Variants in KIF6 observed in about 807,000 individuals in gnomAD.
The protein encoded by KIF6 is kinesin family member 6.
Under a neutral mutation model 112.7 loss-of-function variants are expected in KIF6, and 106 were observed. That is an observed-to-expected ratio of 0.94 (90% confidence interval 0.80 to 1.11). KIF6 has a LOEUF of 1.11. Among genes scored for constraint, KIF6 ranks in the 50% least tolerant of loss-of-function variants. KIF6 has a pLI of 0.00. For synonymous variants in KIF6, 339 were observed against 339.9 expected (o/e 1.00, Z 0.03); for missense variants, 929 against 964.0 (o/e 0.96, Z 0.48).
chr6:39,596,877 T>C (rs759051972), intron 6 of KIF6, among the ~76,000 whole-genome samples: 2 of 152,186 alleles, frequency 1.3e-5, no homozygotes, highest in Admixed American at 6.5e-5. Context: ...AAGTTTAGCA[T>C]GGTTGCTGGA....
intron 9 of KIF6, among the ~76,000 whole-genome samples, chr6:39,581,831 G>A (rs1781317460): frequency 6.6e-6 from 1 of 151,972 alleles, no homozygotes; most frequent in Admixed American, 6.6e-5. Context: ...TAGTTTTTGG[G>A]CCCTGGAGAA....
chr6:39,609,668 CA>C (rs1783103540), intron 6 of KIF6, among the ~76,000 whole-genome samples: 1 of 152,124 alleles, frequency 6.6e-6, no homozygotes, highest in Admixed American at 6.5e-5. Flanking sequence ...CAAATTAAAA[CA>C]AGATTTCTTT....
At chr6:39,490,358 G>A (rs1162115094) in intron 13 of KIF6, among the ~76,000 whole-genome samples, 3 of 152,224 alleles carry the variant, frequency 2.0e-5, no homozygotes, top group African/African-American at 7.2e-5. Context: ...AGGTAAAAGT[G>A]TGAGTTATCA....
chr6:39,588,978 A>G (rs1781786501), intron 7 of KIF6, among the ~76,000 whole-genome samples: 1 of 152,156 alleles, frequency 6.6e-6, no homozygotes, highest in Non-Finnish European at 1.5e-5. Context: ...CACACAATCT[A>G]AGTTATGCCA....
chr6:39,460,089 G>A (rs1276024491), intron 13 of KIF6, among the ~76,000 whole-genome samples: 1 of 149,868 alleles, frequency 6.7e-6, no homozygotes, highest in East Asian at 2.0e-4. Context: ...GTTTATTGTG[G>A]CATTATGCAC....
intron 13 of KIF6, among the ~76,000 whole-genome samples, chr6:39,457,572 G>A (rs1773210594): frequency 6.6e-6 from 1 of 151,750 alleles, no homozygotes; most frequent in Non-Finnish European, 1.5e-5. Flanking sequence ...AAAAATCAAT[G>A]AATCCAGGAG....
intron 15 of KIF6, among the ~76,000 whole-genome samples, chr6:39,401,134 G>C (rs1161397646): frequency 6.6e-6 from 1 of 152,238 alleles, no homozygotes; most frequent in African/African-American, 2.4e-5. Flanking sequence ...GCAAATAGGT[G>C]CCCCTAATTC....
chr6:39,453,990 C>A (rs1772869732), intron 13 of KIF6, among the ~76,000 whole-genome samples: 1 of 151,914 alleles, frequency 6.6e-6, no homozygotes. Context: ...AATAGAAAAG[C>A]AGTGTTAAAT....
intron 13 of KIF6, among the ~76,000 whole-genome samples, chr6:39,506,565 G>T (rs898964290): frequency 2.6e-5 from 4 of 152,140 alleles, no homozygotes; most frequent in Admixed American, 2.0e-4. Context: ...TCTGCCCCTG[G>T]TTCCTGACAC....
chr6:39,476,675 T>C (rs1390562478), intron 13 of KIF6, among the ~76,000 whole-genome samples: 3 of 152,176 alleles, frequency 2.0e-5, no homozygotes, highest in Non-Finnish European at 4.4e-5. Context: ...ACTCTTTAAA[T>C]AAACAAGAAC....
At chr6:39,365,961 G>A (rs1765528697) in intron 16 of KIF6, among the ~76,000 whole-genome samples, 1 of 152,176 alleles carries the variant, frequency 6.6e-6, no homozygotes, top group Admixed American at 6.5e-5. Context: ...TAAAGGCTGC[G>A]GTCACCCCAT....
chr6:39,462,595 G>A (rs747690862), intron 13 of KIF6, among the ~76,000 whole-genome samples: 44 of 152,152 alleles, frequency 2.9e-4, no homozygotes, highest in Non-Finnish European at 3.1e-4. Flanking sequence ...CCAGCCTGAG[G>A]AGGGTAGAGG....
At chr6:39,500,579 A>G (rs1415456585) in intron 13 of KIF6, among the ~76,000 whole-genome samples, 5 of 152,214 alleles carry the variant, frequency 3.3e-5, no homozygotes. Flanking sequence ...AATCTGAGGC[A>G]AGTTGCTTAA....
chr6:39,542,304 G>A (rs1202376672), intron 12 of KIF6, among the ~76,000 whole-genome samples: 4 of 152,050 alleles, frequency 2.6e-5, no homozygotes, highest in African/African-American at 9.7e-5. Flanking sequence ...TATGGGAATG[G>A]CCTTTGTGCT....
At chr6:39,612,847 CAT>C (rs1482527287) in intron 6 of KIF6, among the ~76,000 whole-genome samples, 4 of 152,108 alleles carry the variant, frequency 2.6e-5, no homozygotes, top group Non-Finnish European at 4.4e-5. Flanking sequence ...ACAATTAAGA[CAT>C]GTAATACATT....
At chr6:39,529,613 C>T (rs1041496684) in intron 13 of KIF6, among the ~76,000 whole-genome samples, 5 of 152,008 alleles carry the variant, frequency 3.3e-5, no homozygotes, top group African/African-American at 1.2e-4. Context: ...AGTGAAACCC[C>T]GTCTCTACTA....
At chr6:39,569,689 C>A (rs767541050) in intron 10 of KIF6, among the ~76,000 whole-genome samples, 6 of 152,168 alleles carry the variant, frequency 3.9e-5, no homozygotes, top group Non-Finnish European at 7.4e-5. Flanking sequence ...TATATAAAAT[C>A]TTTCCTCTCT....
chr6:39,481,116 A>G (rs1275582853), intron 13 of KIF6, among the ~76,000 whole-genome samples: 1 of 152,172 alleles, frequency 6.6e-6, no homozygotes, highest in African/African-American at 2.4e-5. Flanking sequence ...GGTCCAGAGA[A>G]GCACGTATAG....
At chr6:39,441,580 A>C (rs975607103) in intron 13 of KIF6, among the ~76,000 whole-genome samples, 2 of 152,176 alleles carry the variant, frequency 1.3e-5, no homozygotes, top group East Asian at 3.9e-4. Context: ...GGTGTAGCCC[A>C]GCTACAATTT....
Sources: allele counts gnomAD v4.1 joint callset (sites outside exome capture counted in the v4.1 genomes callset), GRCh38; gene constraint gnomAD v4.1.1; transcripts MANE v1.5; gene names NCBI Gene and HGNC (gene_info 2026-07-23, HGNC 2026-07-21).